The following IDE variants were observed in gnomAD, a reference collection of about 807,000 sequenced individuals.
IDE encodes insulin degrading enzyme, also known as insulin-degrading enzyme.
IDE carries 58 observed loss-of-function variants against 133.2 expected under a neutral mutation model. That is an observed-to-expected ratio of 0.44 (90% CI 0.35 to 0.54). The LOEUF (loss-of-function observed/expected upper bound fraction) is 0.54, where lower values mean the gene tolerates loss of function less well. Ranked by LOEUF, IDE falls within the 20% of genes least tolerant of loss-of-function variation. IDE has a pLI of 0.00. For synonymous variants in IDE, 396 were observed against 421.3 expected (o/e 0.94, Z 0.73); for missense variants, 981 against 1,234.0 (o/e 0.79, Z 3.07).
At chr10:92,511,361 C>T (rs929523074) in intron 5 of IDE, among the ~76,000 whole-genome samples, 17 of 152,070 alleles carry the variant, frequency 1.1e-4, no homozygotes, top group African/African-American at 2.2e-4. Flanking sequence ...CCTCAGCCTC[C>T]CAAAGTGCTG....
Position 92,509,964 on chromosome 10 carries a change from A to G in IDE, c.897+86T>C, listed in dbSNP as rs906461080. 9.8e-6 allele frequency: 6 copies of G among 609,502 alleles called. No homozygotes were observed. In the East Asian group the frequency reaches 1.4e-4, roughly 15 times the overall value. The allele number at this position is 609,502 out of a possible 1,614,324, so 37.8% of individuals were successfully genotyped here. Reference sequence around the variant, plus strand: ...ACACAACATAAATAATGAAACCTCCAAAAATTTTCACCTGTTCTATGGTAA... The same window carrying G: ...ACACAACATAAATAATGAAACCTCCGAAAATTTTCACCTGTTCTATGGTAA... On this transcript the variant is annotated intron_variant, in intron 6 of 24. Transcript: ENST00000265986.
chr10:92,550,367 T>A (rs1842722593), intron 1 of IDE, among the ~76,000 whole-genome samples: 1 of 152,126 alleles, frequency 6.6e-6, no homozygotes, highest in African/African-American at 2.4e-5. Context: ...AAAGAAGATA[T>A]ACAAATGGCC....
chr10:92,572,821 T>C, intron 1 of IDE: 1 of 925,330 alleles, frequency 1.1e-6, no homozygotes, highest in South Asian at 5.0e-5. Context: ...CACTCCAACC[T>C]TTCTGCCATT....
chr10:92,483,623 G>A (rs1299908121), intron 13 of IDE, among the ~76,000 whole-genome samples: 2 of 152,138 alleles, frequency 1.3e-5, no homozygotes, highest in Non-Finnish European at 2.9e-5. Context: ...AATACCAACT[G>A]TCCTGTCTTC....
chr10:92,571,139 G>A (rs1431152181), intron 1 of IDE, among the ~76,000 whole-genome samples: 1 of 151,674 alleles, frequency 6.6e-6, no homozygotes, highest in Non-Finnish European at 1.5e-5. Context: ...AGCCTCATGA[G>A]TAGCTGGGAT....
intron 1 of IDE, among the ~76,000 whole-genome samples, chr10:92,548,496 T>C (rs11187064): frequency 0.2 from 29,912 of 151,376 alleles, 3,475 homozygotes; most frequent in Non-Finnish European, 0.26. Context: ...TATGTTTATA[T>C]AAACTTCACC....
At chr10:92,464,701 C>T (rs1191417468) in intron 20 of IDE, among the ~76,000 whole-genome samples, 13 of 152,178 alleles carry the variant, frequency 8.5e-5, no homozygotes, top group South Asian at 8.3e-4. Context: ...GATGGAGTCT[C>T]GCTCTGTCAC....
chr10:92,550,716 A>C (rs972196461), intron 1 of IDE, among the ~76,000 whole-genome samples: 9 of 151,648 alleles, frequency 5.9e-5, no homozygotes, highest in Non-Finnish European at 1.3e-4. Context: ...CTAAAAATAT[A>C]AAAATTAGCT....
chr10:92,528,048 ACTGAT>A (rs1849722025), intron 4 of IDE, among the ~76,000 whole-genome samples: 1 of 152,168 alleles, frequency 6.6e-6, no homozygotes, highest in African/African-American at 2.4e-5. Context: ...ATTTTTAATG[ACTGAT>A]CTGAAGATTT....
intron 4 of IDE, among the ~76,000 whole-genome samples, chr10:92,519,107 A>G (rs1275709414): frequency 6.6e-6 from 1 of 152,182 alleles, no homozygotes; most frequent in African/African-American, 2.4e-5. Flanking sequence ...AACAAACAGT[A>G]GCTACTGCTG....
chr10:92,482,685 CA>C (rs1846682448), intron 14 of IDE, among the ~76,000 whole-genome samples: 1 of 151,158 alleles, frequency 6.6e-6, no homozygotes, highest in East Asian at 1.9e-4. Flanking sequence ...GTCATCCTAA[CA>C]ATAGCTAACA....
At chr10:92,486,812 G>A (rs1447842870) in intron 13 of IDE, among the ~76,000 whole-genome samples, 1 of 152,130 alleles carries the variant, frequency 6.6e-6, no homozygotes, top group Non-Finnish European at 1.5e-5. Flanking sequence ...CCCTGGACTT[G>A]CTCTCTTTCA....
At chr10:92,565,048 C>T (rs1843466720) in intron 1 of IDE, among the ~76,000 whole-genome samples, 1 of 151,860 alleles carries the variant, frequency 6.6e-6, no homozygotes, top group Non-Finnish European at 1.5e-5. Context: ...GAGTTTGAGA[C>T]CAGCCTGGCC....
Position 92,495,216 on chromosome 10 carries a change from C to CT in IDE, c.1431-4622dup, listed in dbSNP as rs71028822. On this transcript the variant is annotated intron_variant, in intron 11 of 24. Coordinates refer to ENST00000265986, the MANE Select transcript of IDE (RefSeq NM_004969.4). Reference sequence around the variant, plus strand: ...GTAGCTAGGATTACATCACACTCGGCTTTTTTTTTTTTTTTTTTTTTTAAG... The same window carrying CT: ...GTAGCTAGGATTACATCACACTCGGCTTTTTTTTTTTTTTTTTTTTTTTAAG... 4.3e-3 allele frequency among the ~76,000 whole-genome samples: 317 copies of CT among 73,374 alleles called. 7 individuals are homozygous for CT. Among genetic ancestry groups the CT allele is most frequent in the East Asian group, 7.1e-3 (20 of 2,836 alleles). The allele number at this position is 73,374 out of a possible 152,430, so 48.1% of individuals were successfully genotyped here. A position where few individuals can be genotyped will look rare whatever the true frequency, so the allele number is the denominator to read the frequency against.
chr10:92,493,317 A>C (rs1409039111), intron 11 of IDE, among the ~76,000 whole-genome samples: 1 of 152,000 alleles, frequency 6.6e-6, no homozygotes, highest in Admixed American at 6.6e-5. Flanking sequence ...TCTCAAGGAG[A>C]CTTCTAAAAA....
At chr10:92,565,735 C>T (rs1843507205) in intron 1 of IDE, among the ~76,000 whole-genome samples, 1 of 152,156 alleles carries the variant, frequency 6.6e-6, no homozygotes, top group Admixed American at 6.5e-5. Flanking sequence ...TCAAATGCTT[C>T]CTGCAGATCT....
chr10:92,497,299 C>CA (rs1847761161), intron 11 of IDE, among the ~76,000 whole-genome samples: 1 of 152,126 alleles, frequency 6.6e-6, no homozygotes, highest in Non-Finnish European at 1.5e-5. Flanking sequence ...AATCAAGTCT[C>CA]AAAATTCAAA....
In IDE at chr10:92,504,819, C is replaced by T. The variant is rs752463347; in HGVS notation, c.1405G>A (p.Asp469Asn). Residue 469 changes from aspartate to asparagine, a missense_variant, in exon 11 of 25, where the codon GAT (aspartate) becomes AAT (asparagine). Physicochemically the swap from Asp to Asn is conservative, Grantham distance 23 (BLOSUM62 1). Coordinates refer to ENST00000265986, the MANE Select transcript of IDE (RefSeq NM_004969.4). ...CGGACATTTTCTGGTCTGAGTTTAT[C>T]GAGAACCATCTCTATTAAGTCAGGT... ...FRPDLIEMVLDKLRPENVRVA... is the reference protein window; with the variant it reads ...FRPDLIEMVLNKLRPENVRVA... The T allele has an allele frequency of 2.8e-5, 45 of 1,591,382 alleles. No homozygotes were observed. Among genetic ancestry groups the T allele is most frequent in the Middle Eastern group, 1.7e-4 (1 of 6,018 alleles).
chr10:92,501,808 CT>C (rs1848037305), intron 11 of IDE, among the ~76,000 whole-genome samples: 1 of 152,024 alleles, frequency 6.6e-6, no homozygotes, highest in African/African-American at 2.4e-5. Context: ...AACCCCATCT[CT>C]ACTAAAAATA....
Sources: allele counts gnomAD v4.1 joint callset (sites outside exome capture counted in the v4.1 genomes callset), GRCh38; gene constraint gnomAD v4.1.1; transcripts MANE v1.5; gene names NCBI Gene and HGNC (gene_info 2026-07-23, HGNC 2026-07-21).